TPD52: variants seen among roughly 807,000 people sequenced by gnomAD.
TPD52 encodes the protein prostate and colon associated protein.
TPD52 carries 17 observed loss-of-function variants against 31.3 expected under a neutral mutation model. That is an observed-to-expected ratio of 0.54 (90% CI 0.37 to 0.82). TPD52 has a LOEUF of 0.82. Among genes scored for constraint, TPD52 ranks in the 40% least tolerant of loss-of-function variants. TPD52 has a pLI of 0.00. For missense variants in TPD52, 212 were observed against 240.1 expected (o/e 0.88, Z 0.77); for synonymous variants, 83 against 89.6 (o/e 0.93, Z 0.42).
In TPD52 at chr8:80,098,690, A is replaced by G. The variant is rs553773078; in HGVS notation, c.20-34097T>C. 1.6e-3 allele frequency among the ~76,000 whole-genome samples: 240 copies of G among 152,388 alleles called. 1 individual carries two copies. Among genetic ancestry groups the G allele is most frequent in the South Asian group, 3.1e-3 (15 of 4,832 alleles). The stretch of plus-strand genomic sequence containing the variant: ...TGCCGTAAACACTGTTGAAATAACA[A>G]CAAAGAATTTAGAATATTACATAAA... On this transcript the variant is annotated intron_variant, in intron 1 of 7. Transcript: ENST00000518937.
intron 3 of TPD52, chr8:80,052,528 G>T: frequency 1.1e-6 from 1 of 889,274 alleles, no homozygotes; most frequent in South Asian, 1.7e-5. Context: ...CAAAAGACTG[G>T]GGACTCAAGT....
intron 1 of TPD52, among the ~76,000 whole-genome samples, chr8:80,074,807 A>G (rs544633201): frequency 5.9e-5 from 9 of 152,250 alleles, no homozygotes; most frequent in Admixed American, 1.3e-4. Context: ...TTAAGGCTGG[A>G]ATTTTCCCAT....
intron 1 of TPD52, 86 bp downstream of exon 1, chr8:80,171,339 C>A (rs1260515952): frequency 6.4e-7 from 1 of 1,552,272 alleles, no homozygotes; most frequent in Non-Finnish European, 8.7e-7. Context: ...AGCCGCCGGG[C>A]CGCGCTCAGC....
chr8:80,136,091 C>G (rs1412418068), intron 1 of TPD52, among the ~76,000 whole-genome samples: 1 of 140,462 alleles, frequency 7.1e-6, no homozygotes, highest in African/African-American at 2.6e-5. Flanking sequence ...ATGTAACTAA[C>G]CTGCACAATG....
chr8:80,034,943 G>C lies in TPD52; in HGVS notation c.*3173C>G, dbSNP rs1027320713. The C allele has an allele frequency of 2.0e-5, 3 of 151,212 alleles. No individual in the cohort carries two copies. The highest frequency in any genetic ancestry group is 2.0e-4 in the Admixed American group (3 of 15,256). 9.4% of individuals were successfully genotyped at this position (151,212 alleles called of 1,614,324 possible). A position where few individuals can be genotyped will look rare whatever the true frequency, so the allele number is the denominator to read the frequency against. On this transcript the variant is annotated 3_prime_UTR_variant, in exon 8 of 8. Transcript: ENST00000518937. ...AGCACTTGCAGACCCGACTCTCTGAGAACTTACAAACAAAAAGTGAAAAGC... is the reference window on the plus strand; with the variant it reads ...AGCACTTGCAGACCCGACTCTCTGACAACTTACAAACAAAAAGTGAAAAGC...
intron 1 of TPD52, among the ~76,000 whole-genome samples, chr8:80,109,211 A>C (rs1807337158): frequency 6.6e-6 from 1 of 152,136 alleles, no homozygotes; most frequent in African/African-American, 2.4e-5. Context: ...GTGAAGTCTA[A>C]AATTTGCCTT....
At position 80,150,516 on chromosome 8, in the gene TPD52, ACACT is replaced by A. The variant is rs1222930934; in HGVS notation, c.19+20905_19+20908del. Among the ~76,000 whole-genome samples the A allele has an allele frequency of 2.6e-5, 4 of 152,308 alleles. No homozygotes were observed. The East Asian group carries it at 7.7e-4, about 29-fold the overall frequency. On this transcript the variant is annotated intron_variant, in intron 1 of 7. Coordinates refer to ENST00000518937, the MANE Select transcript of TPD52 (RefSeq NM_001025253.3). Reference sequence around the variant, plus strand: ...CACTGTGTACCTGGAAAAGCCACAGACACTCAACGCCAGCCCGTGAAAGCAGCTG... The same window carrying A: ...CACTGTGTACCTGGAAAAGCCACAGACAACGCCAGCCCGTGAAAGCAGCTG...
At chr8:80,139,368 A>G (rs1809660829) in intron 1 of TPD52, among the ~76,000 whole-genome samples, 1 of 152,186 alleles carries the variant, frequency 6.6e-6, no homozygotes, top group African/African-American at 2.4e-5. Context: ...TTCATACCCC[A>G]AAAAGAAACC....
intron 1 of TPD52, among the ~76,000 whole-genome samples, chr8:80,072,798 C>CACACATAT (rs977939775): frequency 7.1e-6 from 1 of 141,050 alleles, no homozygotes; most frequent in African/African-American, 3.0e-5. Flanking sequence ...CACACACACA[C>CACACATAT]ATATATATAT....
chr8:80,119,831 GA>G (rs1808129360), intron 1 of TPD52: 1 of 416,562 alleles, frequency 2.4e-6, no homozygotes, highest in African/African-American at 2.1e-5. Context: ...TATGAGTGGA[GA>G]AAAGATAAAT....
chr8:80,165,605 AAG>A (rs759680409), intron 1 of TPD52, among the ~76,000 whole-genome samples: 3 of 152,204 alleles, frequency 2.0e-5, no homozygotes, highest in Non-Finnish European at 4.4e-5. Flanking sequence ...ACCAGGAAGA[AAG>A]AAACATTCTT....
chr8:80,103,166 G>C (rs933787319), intron 1 of TPD52, among the ~76,000 whole-genome samples: 3 of 152,134 alleles, frequency 2.0e-5, no homozygotes, highest in Non-Finnish European at 4.4e-5. Flanking sequence ...CCAAGGAGGT[G>C]AGTCATGGAA....
intron 1 of TPD52, among the ~76,000 whole-genome samples, chr8:80,132,856 C>T (rs1398272761): frequency 6.6e-6 from 1 of 152,124 alleles, no homozygotes; most frequent in Non-Finnish European, 1.5e-5. Context: ...CACATGAGGA[C>T]GTTCTTCCAA....
At chr8:80,109,627 G>A (rs775752814) in intron 1 of TPD52, among the ~76,000 whole-genome samples, 2 of 152,022 alleles carry the variant, frequency 1.3e-5, no homozygotes, top group African/African-American at 2.4e-5. Flanking sequence ...GGCTGGTCTC[G>A]AACTCCTGAC....
chr8:80,125,799 G>A (rs1371155433), intron 1 of TPD52, among the ~76,000 whole-genome samples: 1 of 152,138 alleles, frequency 6.6e-6, no homozygotes, highest in Non-Finnish European at 1.5e-5. Context: ...AATTTCTAGA[G>A]ATAAACTATT....
At chr8:80,040,498 G>T (rs560090206) in intron 7 of TPD52, among the ~76,000 whole-genome samples, 34 of 151,972 alleles carry the variant, frequency 2.2e-4, no homozygotes, top group Non-Finnish European at 4.4e-4. Context: ...CCAACATATT[G>T]TATGTTTTTA....
intron 2 of TPD52, 100 bp from the exon 3 acceptor site, chr8:80,053,530 T>C (rs1230669597): frequency 1.0e-5 from 13 of 1,267,866 alleles, no homozygotes; most frequent in Non-Finnish European, 1.2e-5. Flanking sequence ...CATTAAACAT[T>C]TTTTTGAATC....
intron 1 of TPD52, among the ~76,000 whole-genome samples, chr8:80,114,978 T>G (rs1295446007): frequency 6.6e-6 from 1 of 152,216 alleles, no homozygotes; most frequent in African/African-American, 2.4e-5. Context: ...CTGAGGGCCC[T>G]GATGGTCTGG....
At chr8:80,150,818 A>T (rs1810520347) in intron 1 of TPD52, among the ~76,000 whole-genome samples, 3 of 149,440 alleles carry the variant, frequency 2.0e-5, no homozygotes, top group Admixed American at 2.0e-4. Flanking sequence ...ACAGGCTCAT[A>T]GGTGGAAAGG....
Sources: gnomAD v4.1 joint callset for allele counts (sites outside exome capture counted in the v4.1 genomes callset) on GRCh38, gnomAD v4.1.1 for gene constraint, MANE v1.5 for transcripts, NCBI Gene and HGNC (gene_info 2026-07-23, HGNC 2026-07-21) for gene names.